The following CAPRIN1 variants were observed in gnomAD, a reference collection of about 807,000 sequenced individuals.
The protein encoded by CAPRIN1 is caprin-1.
CAPRIN1 carries 29 observed loss-of-function variants against 100.9 expected under a neutral mutation model. The observed-to-expected ratio is 0.29, with a 90% CI of 0.21 to 0.39. The LOEUF is 0.39. Ranked by LOEUF, CAPRIN1 falls within the 10% of genes least tolerant of loss-of-function variation. CAPRIN1 has a pLI of 1.00. For synonymous variants in CAPRIN1, 338 were observed against 307.5 expected, an observed-to-expected ratio of 1.10 and a Z score of -1.04; for missense variants, 795 against 876.7, an observed-to-expected ratio of 0.91 and a Z score of 1.18.
At chr11:34,069,058 G>A (rs556915682) in intron 2 of CAPRIN1, among the ~76,000 whole-genome samples, 12 of 150,684 alleles carry the variant, frequency 8.0e-5, no homozygotes, top group African/African-American at 2.4e-4. Context: ...TCCTATTTGC[G>A]TATTTTCTGT....
chr11:34,073,196 A>AGACT (rs1850836641), intron 4 of CAPRIN1, among the ~76,000 whole-genome samples: 1 of 152,166 alleles, frequency 6.6e-6, no homozygotes, highest in Admixed American at 6.5e-5. Flanking sequence ...TTCTAGAAAC[A>AGACT]GACTGCCCAG....
chr11:34,101,817 C>G lies in CAPRIN1; in HGVS notation c.*2450C>G, dbSNP rs2134143776. Among the ~76,000 whole-genome samples, 1 of 152,166 alleles carries G rather than the reference C, an allele frequency of 6.6e-6. No homozygotes were observed. Among genetic ancestry groups the G allele is most frequent in the South Asian group, 2.1e-4 (1 of 4,812 alleles). ...AGAAGGCCTTTTGTTTGGTCAAATG[C>G]ATATTTTAGCAGAGTTTCAAGGAAA... On this transcript the variant is annotated 3_prime_UTR_variant, in exon 19 of 19. Transcript: ENST00000341394.
chr11:34,071,419 G>A (rs968239690), intron 2 of CAPRIN1, among the ~76,000 whole-genome samples: 1 of 152,164 alleles, frequency 6.6e-6, no homozygotes, highest in African/African-American at 2.4e-5. Flanking sequence ...AAAAAAATTA[G>A]CTGGGCGTGG....
Position 34,052,426 on chromosome 11 carries a change from C to T in CAPRIN1, c.6C>T (p.Pro2=), listed in dbSNP as rs764542044. 8.7e-6 allele frequency: 14 copies of T among 1,607,108 alleles called. No individual in the cohort carries two copies. Among genetic ancestry groups the T allele is most frequent in the African/African-American group, 4.0e-5 (3 of 74,462 alleles). Residue 2 remains proline (P), a synonymous_variant, in exon 2 of 19, where the codon CCC becomes CCT. Transcript: ENST00000341394. M[P]SATSHSGSGS... The stretch of plus-strand genomic sequence containing the variant: ...TCTCTCCTTGCGGTCTGAAGATGCC[C>T]TCGGCCACCAGCCACAGCGGGAGCG...
chr11:34,073,032 T>C (rs923439925), intron 4 of CAPRIN1, among the ~76,000 whole-genome samples: 2 of 152,202 alleles, frequency 1.3e-5, no homozygotes, highest in African/African-American at 4.8e-5. Flanking sequence ...GTAAGTACAC[T>C]CCATGTTTGC....
intron 18 of CAPRIN1, chr11:34,098,778 A>G: frequency 1.0e-6 from 1 of 985,018 alleles, no homozygotes; most frequent in Non-Finnish European, 1.2e-6. Context: ...AACAGCATGT[A>G]AAAAGTTATT....
intron 4 of CAPRIN1, among the ~76,000 whole-genome samples, chr11:34,072,647 G>A (rs1565088505): frequency 6.6e-6 from 1 of 152,174 alleles, no homozygotes; most frequent in Non-Finnish European, 1.5e-5. Context: ...GTGGGTTTTT[G>A]ATGTGACAAA....
At position 34,074,135 on chromosome 11, in the gene CAPRIN1, A is replaced by G. The variant is rs1233262007; in HGVS notation, c.367-2101A>G. ...AATTTTAGGGGGATGCATTCAGACC[A>G]TAGCACCAAAGGAGAGATTTATTCC... On this transcript the variant is annotated intron_variant, in intron 4 of 18. Transcript: ENST00000341394. 3.9e-5 allele frequency among the ~76,000 whole-genome samples: 6 copies of G among 152,356 alleles called. No individual in the cohort carries two copies. The East Asian group carries it at 5.8e-4, about 15-fold the overall frequency.
intron 2 of CAPRIN1, among the ~76,000 whole-genome samples, chr11:34,067,711 C>G (rs903440963): frequency 8.6e-5 from 13 of 151,714 alleles, no homozygotes; most frequent in Non-Finnish European, 1.3e-4. Context: ...GTTGTCCAGG[C>G]TGGTCTTGAA....
At position 34,086,155 on chromosome 11, in the gene CAPRIN1, T is replaced by C; in HGVS notation, c.1058T>C (p.Leu353Pro). 6.2e-7 allele frequency: 1 copy of C among 1,614,144 alleles called. No homozygotes were observed. Among genetic ancestry groups the C allele is most frequent in the Non-Finnish European group, 8.5e-7 (1 of 1,179,992 alleles). ...ACTCCAGTGGCTCAGGCAGATCCCC[T>C]TGTGAGAAGACAGCGAGTACAAGAC... is the stretch of plus-strand genomic sequence containing the variant. ...SLTPVAQADP[L>P]VRRQRVQDLM... Residue 353 changes from leucine to proline, a missense_variant, in exon 10 of 19, where the codon CTT becomes CCT. Transcript: ENST00000341394.
At chr11:34,086,488 A>G (rs1851147517) in intron 11 of CAPRIN1, 75 bp downstream of exon 11, 5 of 866,686 alleles carry the variant, frequency 5.8e-6, no homozygotes, top group Non-Finnish European at 9.1e-6. Context: ...GATTGTGAAA[A>G]TAAATTTTGT....
intron 2 of CAPRIN1, among the ~76,000 whole-genome samples, chr11:34,066,592 G>C (rs535921983): frequency 6.7e-6 from 1 of 149,852 alleles, no homozygotes; most frequent in Non-Finnish European, 1.5e-5. Flanking sequence ...TCAGCCTCCC[G>C]AAGTGCTGGA....
intron 2 of CAPRIN1, among the ~76,000 whole-genome samples, chr11:34,061,847 T>C (rs894989631): frequency 4.0e-5 from 6 of 151,754 alleles, no homozygotes; most frequent in Non-Finnish European, 7.4e-5. Flanking sequence ...GGCTTATGCC[T>C]GTAATCCCAG....
At chr11:34,070,542 G>A (rs1001485179) in intron 2 of CAPRIN1, among the ~76,000 whole-genome samples, 5 of 151,900 alleles carry the variant, frequency 3.3e-5, no homozygotes, top group Admixed American at 2.6e-4. Flanking sequence ...CTACAGTCTC[G>A]TACCACCATA....
chr11:34,071,720 A>C lies in CAPRIN1; in HGVS notation c.217-6A>C, dbSNP rs1412216053. The C allele has an allele frequency of 1.7e-5, 27 of 1,604,814 alleles. No individual in the cohort carries two copies. The highest frequency in any genetic ancestry group is 2.3e-5 in the Non-Finnish European group (27 of 1,172,252). ...GAATGTAATTCTTTTTTTTCTTTTA[A>C]CATAGGGTAAGCTTGATGATTACCA... On this transcript the variant is annotated splice_polypyrimidine_tract_variant and splice_region_variant and intron_variant, in intron 2 of 18. Coordinates refer to ENST00000341394, the MANE Select transcript of CAPRIN1 (RefSeq NM_005898.5).
At chr11:34,076,130 T>A (rs1486051350) in intron 4 of CAPRIN1, 106 bp from the exon 5 acceptor site, 1 of 702,310 alleles carries the variant, frequency 1.4e-6, no homozygotes, top group East Asian at 2.6e-5. Context: ...TGAGGTCATA[T>A]CTCACTCATT....
At chr11:34,077,095 C>T (rs1301262289) in intron 6 of CAPRIN1, among the ~76,000 whole-genome samples, 1 of 152,172 alleles carries the variant, frequency 6.6e-6, no homozygotes, top group African/African-American at 2.4e-5. Flanking sequence ...ACATAGCATT[C>T]ATCTGCTATT....
chr11:34,057,127 T>A (rs929611647), intron 2 of CAPRIN1, among the ~76,000 whole-genome samples: 3 of 152,254 alleles, frequency 2.0e-5, no homozygotes, highest in African/African-American at 7.2e-5. Flanking sequence ...GTAAAATCTT[T>A]CCTTGAGGCT....
At chr11:34,096,874 C>T (rs1284803094) in intron 16 of CAPRIN1, among the ~76,000 whole-genome samples, 4 of 152,050 alleles carry the variant, frequency 2.6e-5, no homozygotes, top group Admixed American at 6.5e-5. Flanking sequence ...AATTTTTGTT[C>T]ATTTGGTTAT....
Sources: allele counts gnomAD v4.1 joint callset (sites outside exome capture counted in the v4.1 genomes callset), GRCh38; gene constraint gnomAD v4.1.1; transcripts MANE v1.5; gene names NCBI Gene and HGNC (gene_info 2026-07-23, HGNC 2026-07-21).